ZRANB3: variants seen among roughly 807,000 people sequenced by gnomAD.
ZRANB3 encodes the protein DNA annealing helicase and endonuclease ZRANB3.
A neutral mutation model predicts 133.8 loss-of-function variants in ZRANB3; 125 were observed. The ratio of observed to expected loss-of-function variants is 0.93; its 90% CI spans 0.81 to 1.08. The LOEUF (loss-of-function observed/expected upper bound fraction) is 1.08. ZRANB3 is among the 50% of genes least tolerant of loss of function. ZRANB3 has a pLI of 0.00. For synonymous variants in ZRANB3, 387 were observed against 432.7 expected (o/e 0.89, Z 1.31); for missense variants, 1,229 against 1,275.5 (o/e 0.96, Z 0.56).
chr2:135,273,941 A>C (rs1272330851), intron 9 of ZRANB3, among the ~76,000 whole-genome samples: 3 of 152,234 alleles, frequency 2.0e-5, no homozygotes, highest in Non-Finnish European at 2.9e-5. Context: ...CGATCCCAGT[A>C]GTTTTAAGGT....
At chr2:135,511,402 T>C in intron 1 of ZRANB3, 1 of 807,710 alleles carries the variant, frequency 1.2e-6, no homozygotes, top group Non-Finnish European at 2.2e-6. Flanking sequence ...TCCACGTCAT[T>C]ACTGACAACT....
At chr2:135,393,035 TA>T (rs2104928857) in intron 2 of ZRANB3, among the ~76,000 whole-genome samples, 4 of 152,160 alleles carry the variant, frequency 2.6e-5, no homozygotes, top group Middle Eastern at 3.4e-3. Flanking sequence ...CACACCCAGC[TA>T]TTTTTTTTAT....
At position 135,343,024 on chromosome 2, in the gene ZRANB3, A is replaced by C. The variant is rs867470359; in HGVS notation, c.677+2526T>G. ...TACTAAAAATCCAAAAAAAAAAAAA[A>C]AAAAAAAAAAACATTAGCAGGGCAT... On this transcript the variant is annotated intron_variant, in intron 6 of 20. Transcript: ENST00000264159. Among the ~76,000 whole-genome samples, 117 of 146,184 alleles carry C rather than the reference A, an allele frequency of 8.0e-4. 10 individuals are homozygous for C. Among genetic ancestry groups the C allele is most frequent in the African/African-American group, 2.7e-3 (101 of 37,260 alleles).
intron 12 of ZRANB3, among the ~76,000 whole-genome samples, chr2:135,260,744 T>A (rs1357067342): frequency 6.9e-6 from 1 of 145,922 alleles, no homozygotes; most frequent in African/African-American, 2.5e-5. Context: ...ATATCAAGTA[T>A]ACTTGAATAT....
chr2:135,342,818 T>C (rs143758580), intron 6 of ZRANB3, among the ~76,000 whole-genome samples: 2 of 148,750 alleles, frequency 1.3e-5, no homozygotes, highest in East Asian at 1.9e-4. Context: ...CTTATATATA[T>C]GTAAAGACAC....
intron 17 of ZRANB3, among the ~76,000 whole-genome samples, chr2:135,211,749 A>G (rs1008408308): frequency 3.3e-5 from 5 of 152,172 alleles, no homozygotes; most frequent in Admixed American, 6.5e-5. Flanking sequence ...ATATGGATAA[A>G]CCATATATTT....
chr2:135,279,119 C>T (rs967042927), intron 8 of ZRANB3, among the ~76,000 whole-genome samples: 2 of 151,892 alleles, frequency 1.3e-5, no homozygotes, highest in African/African-American at 4.8e-5. Flanking sequence ...AAGGTTGTTG[C>T]CTTTGAGAAA....
intron 3 of ZRANB3, among the ~76,000 whole-genome samples, chr2:135,382,273 C>T (rs566411571): frequency 2.6e-5 from 4 of 151,964 alleles, no homozygotes; most frequent in Admixed American, 6.6e-5. Context: ...TGAAATGAAG[C>T]GAGAAGAGAA....
chr2:135,327,558 A>G (rs1683896464), intron 6 of ZRANB3, among the ~76,000 whole-genome samples: 1 of 152,240 alleles, frequency 6.6e-6, no homozygotes, highest in Admixed American at 6.5e-5. Flanking sequence ...TACTTAGTCA[A>G]TAATATAAAA....
chr2:135,481,409 T>C (rs890339080), intron 2 of ZRANB3, among the ~76,000 whole-genome samples: 8 of 152,238 alleles, frequency 5.3e-5, no homozygotes, highest in African/African-American at 1.7e-4. Flanking sequence ...TACATAAATG[T>C]CTTCTTTTGA....
chr2:135,246,395 G>C (rs1045652831), intron 12 of ZRANB3, among the ~76,000 whole-genome samples: 1 of 152,100 alleles, frequency 6.6e-6, no homozygotes. Flanking sequence ...TTTTCATAAA[G>C]TGTTCTCTTT....
At chr2:135,290,218 TG>T (rs1331307847) in intron 8 of ZRANB3, among the ~76,000 whole-genome samples, 5 of 152,322 alleles carry the variant, frequency 3.3e-5, no homozygotes, top group African/African-American at 1.2e-4. Context: ...TATATTGTGT[TG>T]TGGTCTATCT....
At chr2:135,294,430 T>A (rs1368135835) in intron 8 of ZRANB3, among the ~76,000 whole-genome samples, 2 of 152,188 alleles carry the variant, frequency 1.3e-5, no homozygotes, top group Non-Finnish European at 2.9e-5. Flanking sequence ...TTCTGTGGGA[T>A]CGGCGGTGAT....
chr2:135,326,175 C>A (rs923320450), intron 6 of ZRANB3, among the ~76,000 whole-genome samples: 1 of 151,986 alleles, frequency 6.6e-6, no homozygotes, highest in African/African-American at 2.4e-5. Context: ...GAAATTTCAA[C>A]CTTTACTTCA....
At chr2:135,406,375 C>G (rs1688030694) in intron 2 of ZRANB3, among the ~76,000 whole-genome samples, 1 of 152,138 alleles carries the variant, frequency 6.6e-6, no homozygotes, top group Non-Finnish European at 1.5e-5. Flanking sequence ...GGATTCACAG[C>G]CGAATTCTAC....
At chr2:135,332,217 T>C (rs1317904665) in intron 6 of ZRANB3, among the ~76,000 whole-genome samples, 1 of 152,182 alleles carries the variant, frequency 6.6e-6, no homozygotes, top group Non-Finnish European at 1.5e-5. Context: ...ACATATATTT[T>C]AAAACTTCTT....
At chr2:135,339,318 G>A (rs1381125305) in intron 6 of ZRANB3, among the ~76,000 whole-genome samples, 2 of 152,108 alleles carry the variant, frequency 1.3e-5, no homozygotes, top group African/African-American at 4.8e-5. Flanking sequence ...GGCTGAGGCA[G>A]GAGAATCGCT....
intron 6 of ZRANB3, among the ~76,000 whole-genome samples, chr2:135,322,869 T>C (rs1444508345): frequency 6.6e-6 from 1 of 151,866 alleles, no homozygotes; most frequent in Non-Finnish European, 1.5e-5. Flanking sequence ...ATACAAAAAT[T>C]AGCTATGAGT....
chr2:135,376,404 G>C (rs1558953052), intron 3 of ZRANB3, among the ~76,000 whole-genome samples: 1 of 152,146 alleles, frequency 6.6e-6, no homozygotes, highest in Non-Finnish European at 1.5e-5. Flanking sequence ...AATATGTACA[G>C]CAGCTTTATT....
Sources: allele counts gnomAD v4.1 joint callset (sites outside exome capture counted in the v4.1 genomes callset), GRCh38; gene constraint gnomAD v4.1.1; transcripts MANE v1.5; gene names NCBI Gene and HGNC (gene_info 2026-07-23, HGNC 2026-07-21).